Variants in TPRG1 observed in about 807,000 individuals in gnomAD.
TPRG1 encodes the protein tumor protein p63-regulated gene 1 protein.
Under a neutral mutation model 29.3 loss-of-function variants are expected in TPRG1, and 29 were observed. The observed-to-expected ratio is 0.99, with a 90% CI of 0.74 to 1.35. TPRG1 has a LOEUF of 1.35. Among genes scored for constraint, TPRG1 ranks in the 40% most tolerant of loss-of-function variants. The probability of loss-of-function intolerance (pLI) is 0.00; values close to 1 mark genes in which losing one functional copy is unlikely to be tolerated. For synonymous variants in TPRG1, 130 were observed against 116.8 expected, an observed-to-expected ratio of 1.11 and a Z score of -0.73; for missense variants, 327 against 335.0, an observed-to-expected ratio of 0.98 and a Z score of 0.19.
intron 1 of TPRG1, among the ~76,000 whole-genome samples, chr3:189,116,340 C>G (rs916192664): frequency 6.6e-6 from 1 of 151,962 alleles, no homozygotes; most frequent in African/African-American, 2.4e-5. Flanking sequence ...CCATGCCCGG[C>G]TAATTTTTTT....
At chr3:189,304,218 A>C (rs1721278492) in intron 4 of TPRG1, among the ~76,000 whole-genome samples, 2 of 151,048 alleles carry the variant, frequency 1.3e-5, no homozygotes, top group Non-Finnish European at 2.9e-5. Context: ...CAAATGATCT[A>C]GTTTTAACTA....
intron 4 of TPRG1, among the ~76,000 whole-genome samples, chr3:189,078,091 C>CTCTTTCTCTCTTTCTCTCTTTCTCTCTT (rs1553899974): frequency 1.2e-5 from 1 of 85,200 alleles, no homozygotes; most frequent in African/African-American, 4.5e-5. Flanking sequence ...CTCTCTTTCT[C>CTCTTTCTCTCTTTCTCTCTTTCTCTCTT]TCTTTCTTTC....
At chr3:189,083,797 T>A (rs565744196) in intron 4 of TPRG1, among the ~76,000 whole-genome samples, 1 of 145,378 alleles carries the variant, frequency 6.9e-6, no homozygotes, top group South Asian at 2.2e-4. Context: ...ATTTTTGTCA[T>A]TCACTGGCTG....
chr3:189,188,586 G>T (rs1383291897), intron 1 of TPRG1, among the ~76,000 whole-genome samples: 1 of 152,120 alleles, frequency 6.6e-6, no homozygotes, highest in Non-Finnish European at 1.5e-5. Flanking sequence ...TTTCTGCCAA[G>T]CCCTGTCCAG....
At chr3:189,111,394 A>T (rs1488063621) in intron 1 of TPRG1, among the ~76,000 whole-genome samples, 1 of 152,080 alleles carries the variant, frequency 6.6e-6, no homozygotes, top group Non-Finnish European at 1.5e-5. Flanking sequence ...AGTATAGATG[A>T]TCCCCTACTT....
At chr3:189,209,713 C>T (rs1231402376) in intron 2 of TPRG1, among the ~76,000 whole-genome samples, 1 of 152,170 alleles carries the variant, frequency 6.6e-6, no homozygotes, top group Non-Finnish European at 1.5e-5. Context: ...CTTTCCTGAC[C>T]ACGCACAGTA....
At chr3:189,231,265 C>CATATATATAT (rs149177739) in intron 3 of TPRG1, among the ~76,000 whole-genome samples, 4,502 of 144,166 alleles carry the variant, frequency 0.031, 115 homozygotes, top group African/African-American at 0.067. Flanking sequence ...ACCTATAAAA[C>CATATATATAT]ATATATATAT....
At chr3:189,235,193 G>C (rs933500742) in intron 3 of TPRG1, among the ~76,000 whole-genome samples, 4 of 150,546 alleles carry the variant, frequency 2.7e-5, no homozygotes, top group African/African-American at 7.4e-5. Context: ...TTGAACCAGG[G>C]TAGGGCGGTA....
chr3:189,263,401 T>G (rs183292789), intron 4 of TPRG1, among the ~76,000 whole-genome samples: 35 of 152,290 alleles, frequency 2.3e-4, no homozygotes, highest in Admixed American at 2.2e-3. Flanking sequence ...CCAGCACAAC[T>G]TGGACCTGCT....
At chr3:189,078,618 C>G (rs994954921) in intron 4 of TPRG1, among the ~76,000 whole-genome samples, 2 of 152,124 alleles carry the variant, frequency 1.3e-5, no homozygotes, top group South Asian at 4.1e-4. Flanking sequence ...ACTGTAAGCT[C>G]TTTTCTCTTG....
rs779696816 is a variant in TPRG1 at position 189,238,806 on chromosome 3, G to A, written c.376G>A (p.Asp126Asn). 8.7e-6 allele frequency: 14 copies of A among 1,613,636 alleles called. No individual in the cohort carries two copies. Among genetic ancestry groups the A allele is most frequent in the East Asian group, 2.2e-5 (1 of 44,892 alleles). Reference protein sequence around the residue: ...TDKTLLICKYDFIMLSCVQLQ... With the variant: ...TDKTLLICKYNFIMLSCVQLQ... ...CAAGACTCTCTTGATCTGCAAATACGACTTCATCATGCTGAGTTGTGTGCA... is the reference window on the plus strand; with the variant it reads ...CAAGACTCTCTTGATCTGCAAATACAACTTCATCATGCTGAGTTGTGTGCA... Residue 126 changes from aspartate (D) to asparagine (N), a missense_variant, in exon 4 of 6, where the codon GAC (aspartate) becomes AAC (asparagine). Transcript: ENST00000345063.
At chr3:189,150,358 T>A (rs180967939) in intron 4 of TPRG1, among the ~76,000 whole-genome samples, 1 of 152,180 alleles carries the variant, frequency 6.6e-6, no homozygotes, top group African/African-American at 2.4e-5. Context: ...AATTTTTGTA[T>A]TTTTAGTAGA....
At chr3:189,112,991 ATTC>A (rs1720730121) in intron 1 of TPRG1, among the ~76,000 whole-genome samples, 2 of 152,088 alleles carry the variant, frequency 1.3e-5, no homozygotes, top group Non-Finnish European at 2.9e-5. Flanking sequence ...CACGATATTG[ATTC>A]TTCCTATCCA....
intron 1 of TPRG1, among the ~76,000 whole-genome samples, chr3:189,191,580 A>G (rs534841426): frequency 7.9e-5 from 12 of 152,148 alleles, no homozygotes; most frequent in Non-Finnish European, 1.6e-4. Context: ...GAATGATATT[A>G]TTTGGATGCC....
At chr3:189,282,250 T>C (rs1576949256) in intron 4 of TPRG1, among the ~76,000 whole-genome samples, 1 of 140,262 alleles carries the variant, frequency 7.1e-6, no homozygotes, top group South Asian at 2.3e-4. Flanking sequence ...GCATAGGTAG[T>C]GGAATCTTAG....
chr3:189,162,878 T>C (rs1727666171), intron 5 of TPRG1, among the ~76,000 whole-genome samples: 1 of 152,220 alleles, frequency 6.6e-6, no homozygotes, highest in South Asian at 2.1e-4. Flanking sequence ...AACTGATTAA[T>C]ATTTGTAAGG....
At chr3:189,304,871 TCGCC>T (rs995497092) in intron 4 of TPRG1, among the ~76,000 whole-genome samples, 21 of 152,076 alleles carry the variant, frequency 1.4e-4, no homozygotes, top group Admixed American at 5.2e-4. Context: ...TCTCTCCCCA[TCGCC>T]CGCCCGCCTC....
intron 4 of TPRG1, among the ~76,000 whole-genome samples, chr3:189,049,081 G>A (rs958331709): frequency 1.3e-5 from 2 of 152,142 alleles, no homozygotes; most frequent in African/African-American, 4.8e-5. Context: ...ACTCCACAGG[G>A]AGAAGGAATT....
At chr3:189,140,751 G>T (rs780871995) in intron 3 of TPRG1, among the ~76,000 whole-genome samples, 5 of 152,164 alleles carry the variant, frequency 3.3e-5, no homozygotes, top group African/African-American at 1.2e-4. Context: ...TTTCAAGAGG[G>T]TAATCATGCA....
Sources: gnomAD v4.1 joint callset for allele counts (sites outside exome capture counted in the v4.1 genomes callset) on GRCh38, gnomAD v4.1.1 for gene constraint, MANE v1.5 for transcripts, NCBI Gene and HGNC (gene_info 2026-07-23, HGNC 2026-07-21) for gene names.